SEMA7A: variants seen among roughly 807,000 people sequenced by gnomAD.
The protein encoded by SEMA7A is semaphorin-7A.
In SEMA7A, 21 loss-of-function variants were observed where a neutral mutation model predicts 67.5. The observed-to-expected ratio is 0.31, with a 90% CI of 0.22 to 0.45. SEMA7A has a LOEUF of 0.45. Ranked by LOEUF, SEMA7A falls within the 20% of genes least tolerant of loss-of-function variation. The probability of loss-of-function intolerance (pLI) is 1.00; values close to 1 mark genes in which losing one functional copy is unlikely to be tolerated. For synonymous variants in SEMA7A, 364 were observed against 368.5 expected (o/e 0.99, Z 0.14); for missense variants, 774 against 908.6 (o/e 0.85, Z 1.90).
chr15:74,418,096 G>C, intron 3 of SEMA7A, 127 bp from the exon 4 acceptor site: 1 of 1,209,492 alleles, frequency 8.3e-7, no homozygotes, highest in Non-Finnish European at 1.2e-6. Flanking sequence ...ACAGCCTCCC[G>C]GGACAGCCCA....
chr15:74,416,248 A>G (rs2060947093), intron 7 of SEMA7A, among the ~76,000 whole-genome samples: 1 of 152,092 alleles, frequency 6.6e-6, no homozygotes, highest in Non-Finnish European at 1.5e-5. Flanking sequence ...CCCACAGAGC[A>G]GACGGACTCA....
rs777022222 is a variant in SEMA7A, at chr15:74,411,895, T to G, written c.1412A>C (p.Asp471Ala). 3.7e-6 allele frequency: 6 copies of G among 1,613,906 alleles called. No individual in the cohort carries two copies. Among genetic ancestry groups the G allele is most frequent in the Non-Finnish European group, 5.1e-6 (6 of 1,180,032 alleles). Residue 471 changes from aspartate (D) to alanine (A), a missense_variant, in exon 11 of 14, where the codon GAT (aspartate) becomes GCT (alanine). Transcript: ENST00000261918. The surrounding 1 kb of genome is among the most constrained non-coding windows in gnomAD (Gnocchi z 4.4). ...TGGGGGAAGGCTCACCCGCTCAGCA[T>G]CCAGCGACATGGTCTGGATGGCAGC... is the stretch of plus-strand genomic sequence containing the variant. Reference protein sequence around the residue: ...RAAAIQTMSLDAERRKLYVSS... With the variant: ...RAAAIQTMSLAAERRKLYVSS...
intron 4 of SEMA7A, 38 bp from the exon 5 acceptor site, chr15:74,417,713 C>G (rs774564314): frequency 6.3e-7 from 1 of 1,578,722 alleles, no homozygotes; most frequent in African/African-American, 1.3e-5. Context: ...CCACATAATC[C>G]CACAGCCACT....
At chr15:74,426,551 G>A (rs1013408771) in intron 1 of SEMA7A, among the ~76,000 whole-genome samples, 7 of 152,280 alleles carry the variant, frequency 4.6e-5, no homozygotes, top group South Asian at 2.1e-4. Context: ...GAGGTGCAGC[G>A]TGGGGCCCCG....
At chr15:74,417,048 C>A (rs753079975) in intron 6 of SEMA7A, among the ~76,000 whole-genome samples, 10 of 152,152 alleles carry the variant, frequency 6.6e-5, no homozygotes, top group African/African-American at 2.2e-4. Context: ...GCTGCCTCCA[C>A]GTGAACTCAG....
Position 74,414,602 on chromosome 15 carries a change from G to A in SEMA7A, c.1239C>T (p.Val413=), listed in dbSNP as rs1046146. Residue 413 remains valine (V), a synonymous_variant, in exon 10 of 14, where the codon GTC becomes GTT. Coordinates refer to ENST00000261918, the MANE Select transcript of SEMA7A (RefSeq NM_003612.5). The surrounding 1 kb of genome is among the most constrained non-coding windows in gnomAD (Gnocchi z 4.1). ...CCCCGTGGCTGGCTTGCATGCGGTG[G>A]ACGGCCACTTTCTGGTAGTGGTATT... is the stretch of plus-strand genomic sequence containing the variant. ...HSKYHYQKVA[V]HRMQASHGET... is the part of the protein sequence containing the mutation. 114,441 of 1,614,038 alleles carry A rather than the reference G, an allele frequency of 0.071. 7,675 individuals are homozygous for A. Among genetic ancestry groups the A allele is most frequent in the African/African-American group, 0.33 (24,910 of 74,978 alleles).
intron 1 of SEMA7A, among the ~76,000 whole-genome samples, chr15:74,432,827 C>G (rs2061100690): frequency 6.6e-6 from 1 of 152,016 alleles, no homozygotes; most frequent in South Asian, 2.1e-4. Context: ...GTGTGCAATG[C>G]AGGGGAGGGG....
chr15:74,416,143 C>T (rs974667394), intron 7 of SEMA7A, among the ~76,000 whole-genome samples, 158 bp from the exon 8 acceptor site: 2 of 152,138 alleles, frequency 1.3e-5, no homozygotes, highest in Non-Finnish European at 2.9e-5. Context: ...GGACTCAGGG[C>T]AGGTCTCCAG....
At chr15:74,420,224 A>G (rs1332506775) in intron 1 of SEMA7A, among the ~76,000 whole-genome samples, 2 of 152,168 alleles carry the variant, frequency 1.3e-5, no homozygotes, top group Non-Finnish European at 2.9e-5. Context: ...TGGACCACAC[A>G]CTGTGCCACC....
intron 1 of SEMA7A, among the ~76,000 whole-genome samples, chr15:74,428,206 TCCTGGGA>T: frequency 6.6e-6 from 1 of 152,324 alleles, no homozygotes; most frequent in African/African-American, 2.4e-5. Context: ...CTGGTGTGGC[TCCTGGGA>T]ACAGACAGCA....
rs2060976903 is a variant in SEMA7A, at chr15:74,418,968, T to G, written c.179-16A>C. The G allele has an allele frequency of 6.2e-7, 1 of 1,610,722 alleles. No individual in the cohort carries two copies. The highest frequency in any genetic ancestry group is 1.3e-5 in the African/African-American group (1 of 74,930). Reference sequence around the variant, plus strand: ...CCTACATGGCCTGAGGAGGAGACAATTAGTAGAAACATTGAAGCCAGGTCC... The same window carrying G: ...CCTACATGGCCTGAGGAGGAGACAAGTAGTAGAAACATTGAAGCCAGGTCC... On this transcript the variant is annotated splice_polypyrimidine_tract_variant and intron_variant, in intron 1 of 13. Transcript: ENST00000261918.
At chr15:74,433,662 C>T (rs1596204488) in intron 1 of SEMA7A, 79 bp downstream of exon 1, 2 of 1,328,628 alleles carry the variant, frequency 1.5e-6, no homozygotes, top group South Asian at 1.9e-5. Context: ...GCACGCACTC[C>T]CTCCGGGTGC....
Position 74,433,901 on chromosome 15 carries a change from G to A in SEMA7A, c.18C>T (p.Pro6=), listed in dbSNP as rs1184434843. The change falls in exon 1 of 14, where the codon CCC becomes CCT. Residue 6 remains proline (P), a synonymous_variant. Coordinates refer to ENST00000261918, the MANE Select transcript of SEMA7A (RefSeq NM_003612.5). ...GCGGTGCGCTGGGGGCGGCACGTCC[G>A]GGCGGAGGAGGCGTCATCCCGTGGC... MTPPP[P]GRAAPSAPRA... 7.9e-7 allele frequency: 1 copy of A among 1,258,080 alleles called. No individual in the cohort carries two copies. The allele number at this position is 1,258,080 out of a possible 1,614,324, so 77.9% of individuals were successfully genotyped here.
Position 74,411,057 on chromosome 15 carries a change from G to T in SEMA7A, c.1640-72C>A. The T allele has an allele frequency of 6.5e-7, 1 of 1,539,530 alleles. No individual in the cohort carries two copies. The highest frequency in any genetic ancestry group is 8.7e-7 in the Non-Finnish European group (1 of 1,144,946). On this transcript the variant is annotated intron_variant, in intron 13 of 13. Transcript: ENST00000261918. The surrounding 1 kb of genome is among the most constrained non-coding windows in gnomAD (Gnocchi z 4.4). Reference sequence around the variant, plus strand: ...CCAGGGGAGGATGTGTCCTCCCCACGGACTGGGATCCCAGGACAAGGCTTC... The same window carrying T: ...CCAGGGGAGGATGTGTCCTCCCCACTGACTGGGATCCCAGGACAAGGCTTC...
chr15:74,411,113 GTCC>G lies in SEMA7A; in HGVS notation c.1640-131_1640-129del. On this transcript the variant is annotated intron_variant, in intron 13 of 13. Transcript: ENST00000261918. The surrounding 1 kb of genome is among the most constrained non-coding windows in gnomAD (Gnocchi z 4.4). ...GAACGTGGGGAACCCAGCCCTCAGC[GTCC>G]TCCTTTTTTCTCCCGTCTCGCTCAT... is the stretch of plus-strand genomic sequence containing the variant. The G allele has an allele frequency of 1.4e-6, 2 of 1,426,722 alleles. No homozygotes were observed. Among genetic ancestry groups the G allele is most frequent in the South Asian group, 2.8e-5 (2 of 72,578 alleles). The allele number at this position is 1,426,722 out of a possible 1,614,324, so 88.4% of individuals were successfully genotyped here.
intron 5 of SEMA7A, 71 bp downstream of exon 5, chr15:74,417,520 G>C: frequency 6.3e-7 from 1 of 1,586,820 alleles, no homozygotes; most frequent in Non-Finnish European, 8.6e-7. Context: ...ACTGGACAAA[G>C]AGCTGACCAC....
chr15:74,416,926 G>A (rs1024314998), intron 6 of SEMA7A, among the ~76,000 whole-genome samples: 1 of 152,186 alleles, frequency 6.6e-6, no homozygotes, highest in African/African-American at 2.4e-5. Context: ...CTACAAAGAT[G>A]TCATCGGCCC....
intron 1 of SEMA7A, among the ~76,000 whole-genome samples, chr15:74,425,806 G>A (rs1039926221): frequency 3.3e-5 from 5 of 152,134 alleles, no homozygotes; most frequent in African/African-American, 7.2e-5. Context: ...GTAGACAGTC[G>A]TCTCCTGGTG....
chr15:74,417,457 G>T lies in SEMA7A; in HGVS notation c.551-12C>A. 1 of 1,610,690 alleles carries T rather than the reference G, an allele frequency of 6.2e-7. No homozygotes were observed. The highest frequency in any genetic ancestry group is 8.5e-7 in the Non-Finnish European group (1 of 1,177,142). Reference sequence around the variant, plus strand: ...ATACACCTCGTCCCCTGGGGTCAGTGGGAGGGAGAAATGAGTAAGGGCAGG... The same window carrying T: ...ATACACCTCGTCCCCTGGGGTCAGTTGGAGGGAGAAATGAGTAAGGGCAGG... On this transcript the variant is annotated splice_polypyrimidine_tract_variant and intron_variant, in intron 5 of 13. Coordinates refer to ENST00000261918, the MANE Select transcript of SEMA7A (RefSeq NM_003612.5).
Sources: allele counts gnomAD v4.1 joint callset (sites outside exome capture counted in the v4.1 genomes callset), GRCh38; gene constraint gnomAD v4.1.1; non-coding constraint Gnocchi (gnomAD v3.1); transcripts MANE v1.5; gene names NCBI Gene and HGNC (gene_info 2026-07-23, HGNC 2026-07-21).